The following FAM219A variants were observed in gnomAD, a reference collection of about 807,000 sequenced individuals.
The protein encoded by FAM219A is protein FAM219A.
In FAM219A, 7 loss-of-function variants were observed where a neutral mutation model predicts 23.4. That is an observed-to-expected ratio of 0.30 (90% CI 0.17 to 0.56). The LOEUF is 0.56. FAM219A is among the 20% of genes least tolerant of loss of function. The probability of loss-of-function intolerance (pLI) is 0.92; values close to 1 mark genes in which losing one functional copy is unlikely to be tolerated. For synonymous variants in FAM219A, 93 were observed against 99.0 expected, an observed-to-expected ratio of 0.94 and a Z score of 0.36; for missense variants, 166 against 246.9, an observed-to-expected ratio of 0.67 and a Z score of 2.20.
chr9:34,444,644 A>G (rs1275271180), intron 1 of FAM219A, among the ~76,000 whole-genome samples: 1 of 152,142 alleles, frequency 6.6e-6, no homozygotes, highest in Non-Finnish European at 1.5e-5. Flanking sequence ...GAAGATGGGA[A>G]AAGGCCAATT....
At chr9:34,453,811 A>G (rs753842822) in intron 1 of FAM219A, among the ~76,000 whole-genome samples, 22 of 152,216 alleles carry the variant, frequency 1.4e-4, no homozygotes, top group Admixed American at 2.6e-4. Context: ...TTCCTCTCCA[A>G]TTGCAGCCGA....
At position 34,457,113 on chromosome 9, in the gene FAM219A, A is replaced by G. The variant is rs1433507500; in HGVS notation, c.60+1091T>C. 6.6e-6 allele frequency among the ~76,000 whole-genome samples: 1 copy of G among 152,208 alleles called. No individual in the cohort carries two copies. Among genetic ancestry groups the G allele is most frequent in the Non-Finnish European group, 1.5e-5 (1 of 68,026 alleles). On this transcript the variant is annotated intron_variant, in intron 1 of 5. Transcript: ENST00000651358. The surrounding 1 kb of genome is among the most constrained non-coding windows in gnomAD (Gnocchi z 5.1). ...GCTCCAGCCAGCACAGCTCAGAGAAATGGGGCATCCACACTTTCGGATTTG... is the reference window on the plus strand; with the variant it reads ...GCTCCAGCCAGCACAGCTCAGAGAAGTGGGGCATCCACACTTTCGGATTTG...
At chr9:34,407,834 C>T (rs1821693371) in intron 1 of FAM219A, among the ~76,000 whole-genome samples, 1 of 152,176 alleles carries the variant, frequency 6.6e-6, no homozygotes, top group Admixed American at 6.5e-5. Context: ...CAGTGTCAGG[C>T]CCAGGGATCT....
chr9:34,423,430 A>G (rs1296862507), intron 1 of FAM219A, among the ~76,000 whole-genome samples: 1 of 152,230 alleles, frequency 6.6e-6, no homozygotes, highest in Non-Finnish European at 1.5e-5. Context: ...GACTGGTGGG[A>G]AAGATGCACA....
Position 34,402,288 on chromosome 9 carries a change from T to C in FAM219A, c.344+99A>G, listed in dbSNP as rs573562770. On this transcript the variant is annotated intron_variant, in intron 4 of 5. Transcript: ENST00000651358. The stretch of plus-strand genomic sequence containing the variant: ...TTGGAGAGATTCTGGCTGAAGAATA[T>C]CCCAATTCTGACAATATAGCAGGTG... 2.5e-6 allele frequency: 4 copies of C among 1,613,886 alleles called. No homozygotes were observed. The Admixed American group carries it at 6.7e-5, about 27-fold the overall frequency.
At chr9:34,445,076 C>T (rs1357255584) in intron 1 of FAM219A, among the ~76,000 whole-genome samples, 5 of 152,156 alleles carry the variant, frequency 3.3e-5, no homozygotes, top group African/African-American at 1.2e-4. Flanking sequence ...TCCCTTAATT[C>T]CCCAACATGT....
intron 1 of FAM219A, among the ~76,000 whole-genome samples, chr9:34,423,122 T>C (rs371767632): frequency 1.3e-5 from 2 of 152,262 alleles, no homozygotes; most frequent in African/African-American, 4.8e-5. Flanking sequence ...TGAGCCATGA[T>C]TGCACAGAGC....
chr9:34,420,973 C>CGTGTGT (rs533243353), intron 1 of FAM219A, among the ~76,000 whole-genome samples: 2 of 133,294 alleles, frequency 1.5e-5, no homozygotes, highest in African/African-American at 6.0e-5. Context: ...GAGTGAAACT[C>CGTGTGT]GTGTGTGTGT....
Position 34,458,328 on chromosome 9 carries a change from G to A in FAM219A, c.-65C>T. 4 of 1,189,678 alleles carry A rather than the reference G, an allele frequency of 3.4e-6. No individual in the cohort carries two copies. Among genetic ancestry groups the A allele is most frequent in the Non-Finnish European group, 4.2e-6 (4 of 955,140 alleles). The allele number at this position is 1,189,678 out of a possible 1,614,324, so 73.7% of individuals were successfully genotyped here. On this transcript the variant is annotated 5_prime_UTR_variant, in exon 1 of 6. Transcript: ENST00000651358. The surrounding 1 kb of genome is among the most constrained non-coding windows in gnomAD (Gnocchi z 6.6). ...GCGGACGCCGACAGGACCGCGCGGG[G>A]CGGCGGCCCCAGGAGCCCGGCGGGT... is the stretch of plus-strand genomic sequence containing the variant.
chr9:34,411,220 T>C (rs887469123), intron 1 of FAM219A, among the ~76,000 whole-genome samples: 2 of 152,202 alleles, frequency 1.3e-5, no homozygotes, highest in African/African-American at 4.8e-5. Flanking sequence ...AATTCTTTCA[T>C]TTATTTAATG....
At chr9:34,454,611 T>C (rs887721275) in intron 1 of FAM219A, among the ~76,000 whole-genome samples, 51 of 152,218 alleles carry the variant, frequency 3.4e-4, no homozygotes, top group African/African-American at 1.2e-3. Flanking sequence ...GGAGGCTCCA[T>C]GCAGCTGTGA....
chr9:34,416,172 AGAAGAAAGAGAAAAGAAAG>A (rs1564003119), intron 1 of FAM219A, among the ~76,000 whole-genome samples: 2 of 145,802 alleles, frequency 1.4e-5, no homozygotes, highest in East Asian at 4.1e-4. Flanking sequence ...TGAGATCCTG[AGAAGAAAGAGAAAAGAAAG>A]AAAGAAAGAA....
chr9:34,449,335 T>TA (rs1308036548), intron 1 of FAM219A, among the ~76,000 whole-genome samples: 1 of 152,140 alleles, frequency 6.6e-6, no homozygotes, highest in Non-Finnish European at 1.5e-5. Context: ...GGCTAGTGTA[T>TA]ACAATATATA....
Position 34,458,476 on chromosome 9 carries a change from A to T in FAM219A, c.-213T>A, listed in dbSNP as rs1171096467. 3 of 384,460 alleles carry T rather than the reference A, an allele frequency of 7.8e-6. No homozygotes were observed. Among genetic ancestry groups the T allele is most frequent in the African/African-American group, 6.4e-5 (3 of 47,012 alleles). 23.8% of individuals were successfully genotyped at this position (384,460 alleles called of 1,614,324 possible). On this transcript the variant is annotated 5_prime_UTR_variant, in exon 1 of 6. Coordinates refer to ENST00000651358, the MANE Select transcript of FAM219A (RefSeq NM_001184940.2). This position sits in a 1 kb window ranked among gnomAD's most constrained non-coding sequence, Gnocchi z 6.6. ...GCGTGACTCCGTGGGCTTGCCTAGC[A>T]CTACCGCGGCTGTGGCCGGGCCGAG...
chr9:34,409,954 T>C (rs1261599358), intron 1 of FAM219A, among the ~76,000 whole-genome samples: 2 of 152,224 alleles, frequency 1.3e-5, no homozygotes, highest in Admixed American at 6.5e-5. Flanking sequence ...GAAAATAGTA[T>C]AGTGAGATCA....
Position 34,405,974 on chromosome 9 carries a change from G to T in FAM219A, c.61-10C>A. On this transcript the variant is annotated splice_polypyrimidine_tract_variant and intron_variant, in intron 1 of 5. Coordinates refer to ENST00000651358, the MANE Select transcript of FAM219A (RefSeq NM_001184940.2). Reference sequence around the variant, plus strand: ...AGGCGGCGGCTGGGTCCTGTGGGGAGAAAGCAGTAAGACAGAGAGTTGTTA... The same window carrying T: ...AGGCGGCGGCTGGGTCCTGTGGGGATAAAGCAGTAAGACAGAGAGTTGTTA... 2.5e-6 allele frequency: 4 copies of T among 1,605,592 alleles called. No homozygotes were observed. Among genetic ancestry groups the T allele is most frequent in the Non-Finnish European group, 3.4e-6 (4 of 1,175,224 alleles).
chr9:34,428,678 A>G (rs1206938470), intron 1 of FAM219A, among the ~76,000 whole-genome samples: 7 of 152,248 alleles, frequency 4.6e-5, no homozygotes, highest in African/African-American at 1.7e-4. Flanking sequence ...GAGGAAGACA[A>G]ACACTGGGCA....
At chr9:34,431,356 GCA>G (rs1822691711) in intron 1 of FAM219A, among the ~76,000 whole-genome samples, 1 of 152,206 alleles carries the variant, frequency 6.6e-6, no homozygotes, top group Admixed American at 6.5e-5. Context: ...AGCAGCTGCT[GCA>G]CACACACGGA....
At chr9:34,409,905 G>C (rs1401977418) in intron 1 of FAM219A, among the ~76,000 whole-genome samples, 1 of 152,182 alleles carries the variant, frequency 6.6e-6, no homozygotes, top group Non-Finnish European at 1.5e-5. Context: ...GATTTTAAAT[G>C]TTTAAAAATG....
Sources: gnomAD v4.1 joint callset for allele counts (sites outside exome capture counted in the v4.1 genomes callset) on GRCh38, gnomAD v4.1.1 for gene constraint, Gnocchi (gnomAD v3.1) non-coding constraint, MANE v1.5 for transcripts, NCBI Gene and HGNC (gene_info 2026-07-23, HGNC 2026-07-21) for gene names.